Variants in REEP5 observed in about 807,000 individuals in gnomAD.
REEP5 encodes receptor accessory protein 5, also known as receptor expression-enhancing protein 5.
A neutral mutation model predicts 22.4 loss-of-function variants in REEP5; 24 were observed. That is an observed-to-expected ratio of 1.07 (90% confidence interval 0.78 to 1.51). The LOEUF is 1.51. REEP5 is among the 40% of genes most tolerant of loss of function. The pLI, the probability that REEP5 is intolerant of heterozygous loss-of-function variation, is 0.00. For synonymous variants in REEP5, 103 were observed against 88.6 expected (o/e 1.16, Z -0.92); for missense variants, 252 against 233.0 (o/e 1.08, Z -0.53).
Position 112,922,227 on chromosome 5 carries a change from T to G in REEP5, c.-37A>C. On this transcript the variant is annotated 5_prime_UTR_variant, in exon 1 of 5. Coordinates refer to ENST00000379638, the MANE Select transcript of REEP5 (RefSeq NM_005669.5). ...TCTCGCCGCTCGGGGCTGTTCCTAG[T>G]GCCGGATAGACTGGAGCGGCGACTG... The G allele has an allele frequency of 1.9e-6, 3 of 1,576,672 alleles. No homozygotes were observed. The highest frequency in any genetic ancestry group is 1.7e-4 in the Middle Eastern group (1 of 5,948).
intron 3 of REEP5, among the ~76,000 whole-genome samples, chr5:112,890,535 G>A (rs937864504): frequency 2.0e-5 from 3 of 150,140 alleles, no homozygotes; most frequent in South Asian, 2.1e-4. Flanking sequence ...GCACCATCAC[G>A]TCTGGCTAAT....
At chr5:112,921,605 G>A in intron 1 of REEP5, 3 of 329,190 alleles carry the variant, frequency 9.1e-6, no homozygotes, top group South Asian at 6.6e-5. Flanking sequence ...TGCGCTCAGC[G>A]GGGAGCGTCC....
At chr5:112,883,522 C>G (rs1768139975) in intron 4 of REEP5, among the ~76,000 whole-genome samples, 1 of 152,180 alleles carries the variant, frequency 6.6e-6, no homozygotes, top group Non-Finnish European at 1.5e-5. Context: ...TGCTTCTCAT[C>G]TCTCCAGTCT....
Position 112,876,944 on chromosome 5 carries a change from T to C in REEP5, c.*1842A>G, listed in dbSNP as rs796316086. 2.0e-4 allele frequency: 30 copies of C among 152,330 alleles called. No individual in the cohort carries two copies. The highest frequency in any genetic ancestry group is 6.0e-4 in the African/African-American group (25 of 41,576). 9.4% of individuals were successfully genotyped at this position (152,330 alleles called of 1,614,324 possible). On this transcript the variant is annotated 3_prime_UTR_variant, in exon 5 of 5. Transcript: ENST00000379638. ...TCATCTTGTCTGATAATATATTCTA[T>C]ATGCTGTCAATCTGATTATATAGTC... is the stretch of plus-strand genomic sequence containing the variant.
At chr5:112,905,686 T>C (rs1768942182) in intron 2 of REEP5, among the ~76,000 whole-genome samples, 1 of 152,008 alleles carries the variant, frequency 6.6e-6, no homozygotes, top group Admixed American at 6.6e-5. Flanking sequence ...AGTGGCATGA[T>C]CACAACTCAC....
At chr5:112,920,998 G>A (rs1173553657) in intron 2 of REEP5, among the ~76,000 whole-genome samples, 165 bp downstream of exon 2, 1 of 152,156 alleles carries the variant, frequency 6.6e-6, no homozygotes, top group Non-Finnish European at 1.5e-5. Flanking sequence ...TTAAGTTAAG[G>A]TTCCAAAATG....
At chr5:112,879,497 G>A (rs982760324) in intron 4 of REEP5, among the ~76,000 whole-genome samples, 8 of 151,976 alleles carry the variant, frequency 5.3e-5, no homozygotes, top group East Asian at 3.9e-4. Context: ...TTTTTGAGAC[G>A]GAGTCTCGCT....
chr5:112,897,984 G>T (rs1482537063), intron 3 of REEP5: 1 of 152,230 alleles, frequency 6.6e-6, no homozygotes, highest in Non-Finnish European at 1.5e-5. Flanking sequence ...GCTGGAACTG[G>T]AGAGGCAGTG....
rs1401316710 is a variant in REEP5 at position 112,913,381 on chromosome 5, GAGAAAGAAAGAGAA to G, written c.212+7768_212+7781del. 9.5e-4 allele frequency among the ~76,000 whole-genome samples: 32 copies of G among 33,862 alleles called. No individual in the cohort carries two copies. In the African/African-American group the frequency reaches 0.024, roughly 26 times the overall value. 22.2% of individuals were successfully genotyped at this position (33,862 alleles called of 152,430 possible). The stretch of plus-strand genomic sequence containing the variant: ...AGAAAGGAAAGAAAGAAGAAAGAAA[GAGAAAGAAAGAGAA>G]AGAAAGAAAAAAAGAAAAGAAAAGA... On this transcript the variant is annotated intron_variant, in intron 2 of 4. Coordinates refer to ENST00000379638, the MANE Select transcript of REEP5 (RefSeq NM_005669.5).
Position 112,878,526 on chromosome 5 carries a change from AACAT to A in REEP5, c.*256_*259del, listed in dbSNP as rs1465490890. 3 of 475,738 alleles carry A rather than the reference AACAT, an allele frequency of 6.3e-6. No individual in the cohort carries two copies. Among genetic ancestry groups the A allele is most frequent in the Non-Finnish European group, 1.1e-5 (3 of 271,580 alleles). 29.5% of individuals were successfully genotyped at this position (475,738 alleles called of 1,614,324 possible). ...AAGTTTATATTTCCTGCAGGATAGC[AACAT>A]ACATCTTTTCCTACCCAGAGGCAAA... On this transcript the variant is annotated 3_prime_UTR_variant, in exon 5 of 5. Coordinates refer to ENST00000379638, the MANE Select transcript of REEP5 (RefSeq NM_005669.5).
chr5:112,919,752 T>G (rs1363740143), intron 2 of REEP5, among the ~76,000 whole-genome samples: 2 of 152,096 alleles, frequency 1.3e-5, no homozygotes, highest in Non-Finnish European at 2.9e-5. Context: ...GTCCTGGATT[T>G]CCCAGCCTCC....
chr5:112,892,634 A>G (rs1273223137), intron 3 of REEP5: 4 of 1,614,030 alleles, frequency 2.5e-6, no homozygotes, highest in African/African-American at 1.3e-5. Flanking sequence ...AAACACTGCA[A>G]CTTTCTTCAT....
intron 4 of REEP5, among the ~76,000 whole-genome samples, chr5:112,881,760 C>G (rs1768082192): frequency 6.6e-6 from 1 of 151,960 alleles, no homozygotes; most frequent in East Asian, 1.9e-4. Context: ...CTTTCTAACA[C>G]TACTCCTATT....
In REEP5 at chr5:112,922,173, C is replaced by T. The variant is rs778388164; in HGVS notation, c.18G>A (p.Arg6=). The part of the protein sequence containing the change: MSAAM[R]ERFDRFLHEK... ...CGTGCAGGAACCGGTCGAACCTCTC[C>T]CTCATGGCCGCAGACATGGCGGGGA... The change falls in exon 1 of 5, where the codon AGG becomes AGA. Residue 6 remains arginine, a synonymous_variant. Transcript: ENST00000379638. 8 of 1,607,706 alleles carry T rather than the reference C, an allele frequency of 5.0e-6. No homozygotes were observed. In the South Asian group the frequency reaches 6.7e-5, roughly 13 times the overall value.
chr5:112,914,830 T>C (rs1769197256), intron 2 of REEP5, among the ~76,000 whole-genome samples: 1 of 152,210 alleles, frequency 6.6e-6, no homozygotes, highest in Non-Finnish European at 1.5e-5. Flanking sequence ...TCAGAGTGAC[T>C]GATAAGCTCC....
rs1354716786 is a variant in REEP5 at position 112,877,828 on chromosome 5, G to A, written c.*958C>T. The A allele has an allele frequency of 6.6e-6, 1 of 152,174 alleles. No individual in the cohort carries two copies. The highest frequency in any genetic ancestry group is 1.5e-5 in the Non-Finnish European group (1 of 68,030). The allele number at this position is 152,174 out of a possible 1,614,324, so 9.4% of individuals were successfully genotyped here. The stretch of plus-strand genomic sequence containing the variant: ...AAACTGGTTTAAAAAAGAAGATTGG[G>A]AAAGAAGACTAAATCAACATGTTTC... On this transcript the variant is annotated 3_prime_UTR_variant, in exon 5 of 5. Coordinates refer to ENST00000379638, the MANE Select transcript of REEP5 (RefSeq NM_005669.5).
At chr5:112,892,779 C>T (rs1254189153) in intron 3 of REEP5, 6 of 1,613,998 alleles carry the variant, frequency 3.7e-6, no homozygotes. Flanking sequence ...ACTACTACAG[C>T]AGGCAGCGGG....
At chr5:112,888,947 C>T (rs1270530610) in intron 3 of REEP5, among the ~76,000 whole-genome samples, 2 of 150,836 alleles carry the variant, frequency 1.3e-5, no homozygotes, top group Non-Finnish European at 2.9e-5. Context: ...TCCTGCCATA[C>T]TGTTCTCATG....
intron 3 of REEP5, chr5:112,892,896 T>G: frequency 6.2e-7 from 1 of 1,606,616 alleles, no homozygotes; most frequent in Middle Eastern, 1.7e-4. Context: ...CATCAAAGAG[T>G]CGGGAGAGGC....
Sources: gnomAD v4.1 joint callset for allele counts (sites outside exome capture counted in the v4.1 genomes callset) on GRCh38, gnomAD v4.1.1 for gene constraint, MANE v1.5 for transcripts, NCBI Gene and HGNC (gene_info 2026-07-23, HGNC 2026-07-21) for gene names.